Variants in WSB1 observed in about 807,000 individuals in gnomAD.
The protein encoded by WSB1 is WD repeat and SOCS box containing 1, also known as WD repeat and SOCS box-containing protein 1.
In WSB1, 23 loss-of-function variants were observed where a neutral mutation model predicts 50.2. The observed-to-expected ratio is 0.46, with a 90% CI of 0.33 to 0.65. The LOEUF (loss-of-function observed/expected upper bound fraction) is 0.65, where lower values mean the gene tolerates loss of function less well. Among genes scored for constraint, WSB1 ranks in the 30% least tolerant of loss-of-function variants. The pLI is 0.02. For synonymous variants in WSB1, 179 were observed against 172.0 expected, an observed-to-expected ratio of 1.04 and a Z score of -0.32; for missense variants, 492 against 522.3, an observed-to-expected ratio of 0.94 and a Z score of 0.56.
rs2017815669 is a variant in WSB1 at position 27,315,664 on chromosome 17, A to T, written c.*3295A>T. The T allele has an allele frequency of 6.6e-6, 1 of 152,098 alleles. No homozygotes were observed. The highest frequency in any genetic ancestry group is 1.5e-5 in the Non-Finnish European group (1 of 68,034). The allele number at this position is 152,098 out of a possible 1,614,324, so 9.4% of individuals were successfully genotyped here. ...AGACAGTGATTACAACCTCCATATT[A>T]ATCAGATGAGGGTTTGTAGGTGACA... On this transcript the variant is annotated 3_prime_UTR_variant, in exon 9 of 9. Transcript: ENST00000262394.
chr17:27,307,066 A>C (rs561972226), intron 5 of WSB1, 184 bp downstream of exon 5: 11 of 614,054 alleles, frequency 1.8e-5, no homozygotes, highest in African/African-American at 1.5e-4. Flanking sequence ...TTGCCAAGTG[A>C]GAAGTTGGAT....
chr17:27,311,563 G>T lies in WSB1; in HGVS notation c.1053G>T (p.Leu351Phe). ...DEDYPVQVAP[L>F]SNGLCCAFST... ...ATTATCCAGTGCAAGTTGCACCTTT[G>T]AGCAATGGTCTTTGCTGTGCCTTCT... Residue 351 changes from leucine to phenylalanine, a missense_variant, in exon 8 of 9, where the codon TTG becomes TTT. Coordinates refer to ENST00000262394, the MANE Select transcript of WSB1 (RefSeq NM_015626.10). 6.2e-7 allele frequency: 1 copy of T among 1,608,486 alleles called. No individual in the cohort carries two copies.
intron 7 of WSB1, among the ~76,000 whole-genome samples, 167 bp downstream of exon 7, chr17:27,310,341 C>G (rs1484535341): frequency 1.3e-5 from 2 of 152,180 alleles, no homozygotes; most frequent in Admixed American, 1.3e-4. Context: ...TCTGTGTAAA[C>G]TAAAGATAAT....
intron 1 of WSB1, among the ~76,000 whole-genome samples, chr17:27,295,818 T>A (rs1410537273): frequency 6.6e-6 from 1 of 151,672 alleles, no homozygotes; most frequent in African/African-American, 2.4e-5. Context: ...TTTGAAAACT[T>A]TGCGGTCCTG....
intron 1 of WSB1, among the ~76,000 whole-genome samples, chr17:27,297,541 T>C (rs2017030839): frequency 6.6e-6 from 1 of 151,956 alleles, no homozygotes; most frequent in African/African-American, 2.4e-5. Context: ...AATCTTGGCT[T>C]TCTGCAACCT....
chr17:27,298,648 C>T (rs1361551369), intron 1 of WSB1, among the ~76,000 whole-genome samples: 1 of 151,950 alleles, frequency 6.6e-6, no homozygotes, highest in Non-Finnish European at 1.5e-5. Context: ...GTCAGTAGTT[C>T]GAGACCAGCC....
intron 5 of WSB1, chr17:27,307,830 T>G: frequency 6.6e-7 from 1 of 1,511,056 alleles, no homozygotes; most frequent in Non-Finnish European, 8.8e-7. Context: ...GCAGAAAGAG[T>G]GGCATCTCTG....
chr17:27,294,492 C>T (rs2016861236), intron 1 of WSB1, 57 bp downstream of exon 1: 9 of 1,600,280 alleles, frequency 5.6e-6, no homozygotes, highest in African/African-American at 1.3e-5. Flanking sequence ...AGGGACTCCC[C>T]GGAGGAGGTT....
intron 5 of WSB1, 148 bp from the exon 6 acceptor site, chr17:27,308,948 TCTGA>T (rs1245414704): frequency 3.2e-6 from 4 of 1,245,898 alleles, no homozygotes; most frequent in South Asian, 6.6e-5. Flanking sequence ...CTGATTTTAA[TCTGA>T]CTATGACACT....
At chr17:27,311,093 C>T (rs1298290224) in intron 7 of WSB1, among the ~76,000 whole-genome samples, 1 of 152,138 alleles carries the variant, frequency 6.6e-6, no homozygotes, top group Non-Finnish European at 1.5e-5. Flanking sequence ...CTCAAGCAGT[C>T]CACCCACCTC....
chr17:27,309,217 G>T lies in WSB1; in HGVS notation c.829G>T (p.Asp277Tyr). The change falls in exon 6 of 9, where the codon GAT becomes TAT. Residue 277 changes from aspartate (D) to tyrosine (Y), a missense_variant. Coordinates refer to ENST00000262394, the MANE Select transcript of WSB1 (RefSeq NM_015626.10). ...DGALLATASY[D>Y]TRVYIWDPHN... The stretch of plus-strand genomic sequence containing the variant: ...AGCATTACTGGCTACTGCATCTTAT[G>T]ATACTCGAGTATATATCTGGGATCC... 1 of 1,612,644 alleles carries T rather than the reference G, an allele frequency of 6.2e-7. No individual in the cohort carries two copies. The highest frequency in any genetic ancestry group is 8.5e-7 in the Non-Finnish European group (1 of 1,179,288).
chr17:27,303,773 A>G, intron 3 of WSB1, 138 bp downstream of exon 3: 1 of 1,041,092 alleles, frequency 9.6e-7, no homozygotes, highest in Non-Finnish European at 1.4e-6. Context: ...TTTATAATAG[A>G]CCTGAATGTC....
chr17:27,311,531 G>A lies in WSB1; in HGVS notation c.1021G>A (p.Asp341Asn). 6.3e-7 allele frequency: 1 copy of A among 1,598,568 alleles called. No individual in the cohort carries two copies. Residue 341 changes from aspartate (D) to asparagine (N), a missense_variant, in exon 8 of 9, where the codon GAT becomes AAT. Transcript: ENST00000262394. Reference protein sequence around the residue: ...DDKMVRFWRIDEDYPVQVAPL... With the variant: ...DDKMVRFWRINEDYPVQVAPL... ...CAGAATGGTGAGGTTCTGGAGAATT[G>A]ATGAGGATTATCCAGTGCAAGTTGC...
intron 5 of WSB1, chr17:27,307,953 CTTTCTTTT>C (rs1162457762): frequency 1.0e-5 from 13 of 1,249,812 alleles, no homozygotes; most frequent in African/African-American, 1.5e-5. Flanking sequence ...GCTTTTCTTT[CTTTCTTTT>C]TTTCTTTTTT....
chr17:27,313,073 A>T lies in WSB1; in HGVS notation c.*704A>T, dbSNP rs1195986752. ...AAAAAAAATTGTGTTGCCTCATACG[A>T]AATGTATTTGGTTTTGTTGGAGAGT... On this transcript the variant is annotated 3_prime_UTR_variant, in exon 9 of 9. Coordinates refer to ENST00000262394, the MANE Select transcript of WSB1 (RefSeq NM_015626.10). 1.3e-5 allele frequency: 2 copies of T among 152,464 alleles called. No homozygotes were observed. Among genetic ancestry groups the T allele is most frequent in the Admixed American group, 1.3e-4 (2 of 15,254 alleles). 9.4% of individuals were successfully genotyped at this position (152,464 alleles called of 1,614,324 possible).
At position 27,307,607 on chromosome 17, in the gene WSB1, T is replaced by G. The variant is rs545453269; in HGVS notation, c.711+725T>G. The G allele has an allele frequency of 1.5e-4, 121 of 800,446 alleles. No homozygotes were observed. The African/African-American group carries it at 2.0e-3, about 13-fold the overall frequency. 49.6% of individuals were successfully genotyped at this position (800,446 alleles called of 1,614,324 possible). ...TTACCCAAGGAGTATGTTAAAATGA[T>G]AGTTATAAATGTTGGAAGTTTAAAG... On this transcript the variant is annotated intron_variant, in intron 5 of 8. Transcript: ENST00000262394.
At chr17:27,308,000 C>G in intron 5 of WSB1, 1 of 1,233,672 alleles carries the variant, frequency 8.1e-7, no homozygotes, top group Non-Finnish European at 1.0e-6. Flanking sequence ...GTAAAATACA[C>G]TGACTCCTGA....
At chr17:27,306,199 TGTC>T (rs1324874451) in intron 4 of WSB1, among the ~76,000 whole-genome samples, 3 of 142,242 alleles carry the variant, frequency 2.1e-5, no homozygotes, top group Middle Eastern at 3.5e-3. Context: ...AAAAGAATTC[TGTC>T]TTTTTTTTTT....
chr17:27,301,756 A>G (rs774404359), intron 1 of WSB1, 32 bp from the exon 2 acceptor site: 15 of 1,605,858 alleles, frequency 9.3e-6, no homozygotes, highest in South Asian at 1.1e-5. Context: ...TTGGTTATAT[A>G]TGATATCCAG....
Sources: allele counts gnomAD v4.1 joint callset (sites outside exome capture counted in the v4.1 genomes callset), GRCh38; gene constraint gnomAD v4.1.1; transcripts MANE v1.5; gene names NCBI Gene and HGNC (gene_info 2026-07-23, HGNC 2026-07-21).